GRM7: variants seen among roughly 807,000 people sequenced by gnomAD.
The protein encoded by GRM7 is metabotropic glutamate receptor 7.
In GRM7, 35 loss-of-function variants were observed where a neutral mutation model predicts 84.5. The ratio of observed to expected loss-of-function variants is 0.41; its 90% CI spans 0.32 to 0.55. The LOEUF is 0.55. GRM7 is among the 20% of genes least tolerant of loss of function. The pLI, the probability that GRM7 is intolerant of heterozygous loss-of-function variation, is 0.19. For missense variants in GRM7, 1,003 were observed against 1,194.6 expected (o/e 0.84, Z 2.36); for synonymous variants, 487 against 455.1 (o/e 1.07, Z -0.89).
intron 4 of GRM7, among the ~76,000 whole-genome samples, chr3:7,384,945 A>G (rs1327973891): frequency 6.6e-6 from 1 of 152,338 alleles, no homozygotes; most frequent in Middle Eastern, 3.4e-3. Context: ...ATTTTAAACA[A>G]TAGATGTAAT....
At chr3:6,908,597 A>G (rs1696661455) in intron 1 of GRM7, among the ~76,000 whole-genome samples, 1 of 152,104 alleles carries the variant, frequency 6.6e-6, no homozygotes, top group African/African-American at 2.4e-5. Context: ...CCACTGGTCC[A>G]CTCTGACTGC....
intron 2 of GRM7, among the ~76,000 whole-genome samples, chr3:7,154,804 G>A (rs1694397504): frequency 6.6e-6 from 1 of 151,784 alleles, no homozygotes; most frequent in East Asian, 1.9e-4. Context: ...TAAACTTTAG[G>A]GGCAAAATGT....
chr3:7,627,856 C>G (rs1463911761), intron 8 of GRM7, among the ~76,000 whole-genome samples: 40 of 152,066 alleles, frequency 2.6e-4, no homozygotes, highest in Admixed American at 2.6e-3. Context: ...ATAAGGCTAC[C>G]AGTTATATTA....
At chr3:6,916,485 T>A (rs934723895) in intron 1 of GRM7, among the ~76,000 whole-genome samples, 2 of 152,184 alleles carry the variant, frequency 1.3e-5, no homozygotes, top group Admixed American at 1.3e-4. Context: ...CTAAGTAATT[T>A]ATAAACAACA....
chr3:7,035,127 T>C (rs1191951889), intron 1 of GRM7, among the ~76,000 whole-genome samples: 1 of 152,076 alleles, frequency 6.6e-6, no homozygotes, highest in Non-Finnish European at 1.5e-5. Context: ...AAGAGCACTG[T>C]TGGTTTACCC....
intron 8 of GRM7, among the ~76,000 whole-genome samples, chr3:7,616,505 CT>C: frequency 6.6e-6 from 1 of 152,248 alleles, no homozygotes; most frequent in East Asian, 1.9e-4. Flanking sequence ...AGCTAATTTC[CT>C]CATTGTCTAT....
chr3:7,601,214 T>G (rs548858763), intron 8 of GRM7, among the ~76,000 whole-genome samples: 1 of 152,298 alleles, frequency 6.6e-6, no homozygotes, highest in South Asian at 2.1e-4. Flanking sequence ...TTAAAGCATT[T>G]TGATTACTGT....
At chr3:7,586,798 ACT>A (rs892235498) in intron 8 of GRM7, among the ~76,000 whole-genome samples, 9 of 152,102 alleles carry the variant, frequency 5.9e-5, no homozygotes, top group African/African-American at 1.7e-4. Flanking sequence ...ACAGAGCCAG[ACT>A]CTGTCTCAAA....
intron 7 of GRM7, among the ~76,000 whole-genome samples, chr3:7,483,557 A>T (rs1055056392): frequency 6.6e-6 from 1 of 152,222 alleles, no homozygotes; most frequent in Non-Finnish European, 1.5e-5. Flanking sequence ...GACAAAGGCC[A>T]GTCTGTCTTG....
intron 5 of GRM7, among the ~76,000 whole-genome samples, chr3:7,448,420 G>A (rs1190490865): frequency 6.6e-6 from 1 of 152,098 alleles, no homozygotes; most frequent in Non-Finnish European, 1.5e-5. Context: ...AGAGGAGATT[G>A]GATTGGCTTA....
At chr3:7,256,619 A>G (rs1427428559) in intron 2 of GRM7, among the ~76,000 whole-genome samples, 4 of 151,870 alleles carry the variant, frequency 2.6e-5, no homozygotes, top group African/African-American at 9.7e-5. Flanking sequence ...CTACCTATGC[A>G]CACACACACA....
intron 1 of GRM7, among the ~76,000 whole-genome samples, chr3:7,099,937 G>T (rs1329393673): frequency 1.4e-5 from 2 of 143,250 alleles, no homozygotes; most frequent in East Asian, 4.0e-4. Flanking sequence ...TATATATTAT[G>T]ATATACATTA....
In GRM7 at chr3:7,561,561, T is replaced by A. The variant is rs189334976; in HGVS notation, c.1516-16861T>A. ...GGAAAGTCCTTCCAGGACATCGTAG[T>A]ACCCTTAGTAGTGTAAGCATATTTT... On this transcript the variant is annotated intron_variant, in intron 7 of 9. Transcript: ENST00000357716. 2.8e-5 allele frequency: 13 copies of A among 456,578 alleles called. No individual in the cohort carries two copies. In the Middle Eastern group the frequency reaches 9.8e-4, roughly 34 times the overall value. 28.3% of individuals were successfully genotyped at this position (456,578 alleles called of 1,614,324 possible).
intron 3 of GRM7, 26 bp from the exon 4 acceptor site, chr3:7,306,472 A>T (rs775318609): frequency 6.2e-7 from 1 of 1,604,394 alleles, no homozygotes; most frequent in South Asian, 1.1e-5. Context: ...TATCATTAAT[A>T]TAACTTTCCA....
chr3:7,611,287 G>A (rs1298949090), intron 8 of GRM7, among the ~76,000 whole-genome samples: 3 of 152,198 alleles, frequency 2.0e-5, no homozygotes, highest in South Asian at 2.1e-4. Context: ...ATATGAAACC[G>A]TTGCCGTAGT....
At chr3:7,459,546 GCACGT>G (rs1379302631) in intron 6 of GRM7, among the ~76,000 whole-genome samples, 1 of 152,128 alleles carries the variant, frequency 6.6e-6, no homozygotes, top group East Asian at 1.9e-4. Context: ...AAGACAAAAG[GCACGT>G]CTTTACATGG....
chr3:7,699,636 TA>T (rs763985307), intron 9 of GRM7, among the ~76,000 whole-genome samples: 6 of 152,186 alleles, frequency 3.9e-5, no homozygotes, highest in Non-Finnish European at 8.8e-5. Flanking sequence ...TTCTGCTACT[TA>T]TTTTGGCTCC....
intron 4 of GRM7, among the ~76,000 whole-genome samples, chr3:7,397,995 G>C (rs73809100): frequency 0.015 from 2,223 of 152,136 alleles, 31 homozygotes; most frequent in African/African-American, 0.038. Flanking sequence ...TGATATAAAC[G>C]AAACACCAAC....
At chr3:6,972,580 G>A (rs1693801757) in intron 1 of GRM7, among the ~76,000 whole-genome samples, 1 of 152,152 alleles carries the variant, frequency 6.6e-6, no homozygotes, top group Non-Finnish European at 1.5e-5. Flanking sequence ...AGATACTAAT[G>A]TCAAAAGGCC....
Sources: gnomAD v4.1 joint callset for allele counts (sites outside exome capture counted in the v4.1 genomes callset) on GRCh38, gnomAD v4.1.1 for gene constraint, MANE v1.5 for transcripts, NCBI Gene and HGNC (gene_info 2026-07-23, HGNC 2026-07-21) for gene names.